The following SNRPN variants were observed in gnomAD, a reference collection of about 807,000 sequenced individuals.
The protein encoded by SNRPN is small nuclear ribonucleoprotein polypeptide N.
In SNRPN, 7 loss-of-function variants were observed where a neutral mutation model predicts 25.2. That is an observed-to-expected ratio of 0.28 (90% CI 0.16 to 0.52). SNRPN has a LOEUF of 0.52. SNRPN is among the 20% of genes least tolerant of loss of function. The pLI is 0.96. For synonymous variants in SNRPN, 124 were observed against 110.6 expected (o/e 1.12, Z -0.76); for missense variants, 196 against 322.5 (o/e 0.61, Z 3.00).
intron 1 of SNRPN, among the ~76,000 whole-genome samples, chr15:24,876,808 T>C (rs778562375): frequency 3.3e-5 from 5 of 151,902 alleles, no homozygotes; most frequent in African/African-American, 4.8e-5. Flanking sequence ...TAACAAAGGA[T>C]GATTAGTATT....
chr15:24,875,580 G>A (rs1188464251), intron 1 of SNRPN, among the ~76,000 whole-genome samples: 2 of 152,116 alleles, frequency 1.3e-5, no homozygotes, highest in East Asian at 3.9e-4. Context: ...CTAGAACATT[G>A]ATAGAAAAAT....
At chr15:24,923,368 A>G (rs1217472887) in intron 3 of SNRPN, among the ~76,000 whole-genome samples, 2 of 152,166 alleles carry the variant, frequency 1.3e-5, no homozygotes, top group Non-Finnish European at 2.9e-5. Context: ...CTTCAATTCA[A>G]ATGTTGCTCA....
Position 24,962,192 on chromosome 15 carries a change from C to G in SNRPN, c.-312C>G. The G allele has an allele frequency of 1.2e-6, 2 of 1,614,046 alleles. No homozygotes were observed. The highest frequency in any genetic ancestry group is 2.2e-5 in the South Asian group (2 of 91,084). On this transcript the variant is annotated 5_prime_UTR_variant, in exon 2 of 10. Transcript: ENST00000390687. Reference sequence around the variant, plus strand: ...TCCAAGTCAAACGCAGAAGGACTGCCTCACTGAGCAACCAAGAGTGAGTAC... The same window carrying G: ...TCCAAGTCAAACGCAGAAGGACTGCGTCACTGAGCAACCAAGAGTGAGTAC...
At chr15:24,861,740 T>A (rs1243128137) in intron 1 of SNRPN, among the ~76,000 whole-genome samples, 27 of 148,284 alleles carry the variant, frequency 1.8e-4, no homozygotes, top group Non-Finnish European at 4.5e-5. Flanking sequence ...TTGAGAGCCA[T>A]GACTAATAAA....
rs1173328616 is a variant in SNRPN at position 24,826,596 on chromosome 15, T to C, written c.-687+2746T>C. On this transcript the variant is annotated intron_variant, in intron 1 of 12. Transcript: ENST00000400100. The stretch of plus-strand genomic sequence containing the variant: ...TACTGTGTCTCTGGTTATTTGCTTC[T>C]AGTTGGCAATACAAAGGAACAATGT... 3.3e-5 allele frequency among the ~76,000 whole-genome samples: 5 copies of C among 152,120 alleles called. No homozygotes were observed. The East Asian group carries it at 9.6e-4, about 29-fold the overall frequency.
intron 2 of SNRPN, 115 bp from the exon 3 acceptor site, chr15:24,967,817 A>G (rs1197715756): frequency 1.1e-6 from 1 of 913,420 alleles, no homozygotes; most frequent in Non-Finnish European, 1.6e-6. Flanking sequence ...GGAAAAAAAA[A>G]AAAAAAAAAA....
chr15:24,888,111 A>ATTTTTT (rs1566873553), intron 2 of SNRPN, among the ~76,000 whole-genome samples: 3 of 121,520 alleles, frequency 2.5e-5, no homozygotes, highest in Non-Finnish European at 3.7e-5. Flanking sequence ...ATTAGAAATG[A>ATTTTTT]CTTTTTTTTT....
chr15:24,834,657 G>A lies in SNRPN; in HGVS notation c.-579+4752G>A, dbSNP rs183667073. On this transcript the variant is annotated intron_variant, in intron 2 of 12. Coordinates refer to the SNRPN transcript ENST00000400100. Reference sequence around the variant, plus strand: ...TGAGATGGGAGCATCACTTGTTACAGTGAGCTGTGATCATGATCAGGTCAC... The same window carrying A: ...TGAGATGGGAGCATCACTTGTTACAATGAGCTGTGATCATGATCAGGTCAC... 1.1e-3 allele frequency among the ~76,000 whole-genome samples: 161 copies of A among 150,444 alleles called. 2 individuals carry two copies. The highest frequency in any genetic ancestry group is 8.9e-3 in the Admixed American group (133 of 15,006).
At chr15:24,916,585 T>C (rs2059537897) in intron 2 of SNRPN, among the ~76,000 whole-genome samples, 1 of 152,154 alleles carries the variant, frequency 6.6e-6, no homozygotes, top group Non-Finnish European at 1.5e-5. Flanking sequence ...AAAATACATA[T>C]ACATACATAC....
intron 1 of SNRPN, among the ~76,000 whole-genome samples, chr15:24,824,854 A>C (rs972604590): frequency 2.6e-5 from 4 of 152,094 alleles, no homozygotes; most frequent in African/African-American, 9.7e-5. Flanking sequence ...GAGTCCAAAA[A>C]GCAGGCTAGG....
Position 24,976,397 on chromosome 15 carries a change from A to C in SNRPN, c.248A>C (p.Glu83Ala). 2 of 1,610,760 alleles carry C rather than the reference A, an allele frequency of 1.2e-6. No individual in the cohort carries two copies. Among genetic ancestry groups the C allele is most frequent in the Non-Finnish European group, 1.7e-6 (2 of 1,178,298 alleles). The change falls in exon 6 of 10, where the codon GAG (glutamate) becomes GCG (alanine). Residue 83 changes from glutamate to alanine, a missense_variant. Transcript: ENST00000390687. ...RGENLVSMTV[E>A]GPPPKDTGIA... ...GAGAACTTGGTATCCATGACTGTGG[A>C]GGGGCCACCCCCCAAAGATGTAAGG...
At chr15:24,913,165 C>A (rs2059315743) in intron 2 of SNRPN, among the ~76,000 whole-genome samples, 1 of 152,058 alleles carries the variant, frequency 6.6e-6, no homozygotes, top group Non-Finnish European at 1.5e-5. Context: ...ATCTCGAACC[C>A]CTGACCTTAG....
intron 1 of SNRPN, among the ~76,000 whole-genome samples, chr15:24,867,308 T>A (rs1215032482): frequency 6.6e-6 from 1 of 152,134 alleles, no homozygotes; most frequent in Non-Finnish European, 1.5e-5. Flanking sequence ...AATAGCCTTG[T>A]AACAGGTATA....
chr15:24,832,882 G>T (rs368289473), intron 2 of SNRPN, among the ~76,000 whole-genome samples: 2 of 151,976 alleles, frequency 1.3e-5, no homozygotes, highest in African/African-American at 4.8e-5. Context: ...CGAGGCGGGC[G>T]GACCACGAGG....
At chr15:24,972,492 C>A (rs1248377021) in intron 3 of SNRPN, among the ~76,000 whole-genome samples, 2 of 150,094 alleles carry the variant, frequency 1.3e-5, no homozygotes, top group African/African-American at 2.4e-5. Flanking sequence ...TTTTAATGTA[C>A]AGACATCAGA....
At chr15:24,891,364 C>A (rs754178782) in intron 2 of SNRPN, among the ~76,000 whole-genome samples, 1 of 152,010 alleles carries the variant, frequency 6.6e-6, no homozygotes, top group Non-Finnish European at 1.5e-5. Context: ...CATTTACTTC[C>A]CTTTAAGTCA....
chr15:24,837,608 A>G (rs2051322747), intron 2 of SNRPN, among the ~76,000 whole-genome samples: 1 of 151,938 alleles, frequency 6.6e-6, no homozygotes, highest in African/African-American at 2.4e-5. Context: ...TGACTTCGTG[A>G]TCCACCCGCC....
chr15:24,852,158 A>G (rs1287889347), upstream of SNRPN: 1 of 152,168 alleles, frequency 6.6e-6, no homozygotes, highest in Non-Finnish European at 1.5e-5. Flanking sequence ...CATGTTCTTA[A>G]GTAAGGTGTA....
chr15:24,889,495 C>T (rs1161926633), intron 2 of SNRPN, among the ~76,000 whole-genome samples: 3 of 151,224 alleles, frequency 2.0e-5, no homozygotes, highest in Admixed American at 6.6e-5. Context: ...TTAGTAGAGA[C>T]AGGGTTTCAC....
Sources: gnomAD v4.1 joint callset for allele counts (sites outside exome capture counted in the v4.1 genomes callset) on GRCh38, gnomAD v4.1.1 for gene constraint, MANE v1.5 for transcripts, NCBI Gene and HGNC (gene_info 2026-07-23, HGNC 2026-07-21) for gene names.